Variants in MYLK3 observed in about 807,000 individuals in gnomAD.
MYLK3 encodes the protein myosin light chain kinase 3, also known as MLC kinase.
A neutral mutation model predicts 76.3 loss-of-function variants in MYLK3; 55 were observed. The ratio of observed to expected loss-of-function variants is 0.72; its 90% CI spans 0.58 to 0.90. The LOEUF is 0.90. MYLK3 is among the 40% of genes least tolerant of loss of function. The probability of loss-of-function intolerance (pLI) is 0.00; values close to 1 mark genes in which losing one functional copy is unlikely to be tolerated. For missense variants in MYLK3, 973 were observed against 1,053.6 expected, an observed-to-expected ratio of 0.92 and a Z score of 1.06; for synonymous variants, 416 against 425.4, an observed-to-expected ratio of 0.98 and a Z score of 0.27.
In MYLK3 at chr16:46,732,461, C is replaced by A. The variant is rs768463597; in HGVS notation, c.1209G>T (p.Leu403=). ...TPEGARELSP[L]QESSSPGGVK... is the part of the protein sequence containing the mutation. ...CTCCCCCGGGGCTGCTGCTCTCCTG[C>A]AGCGGGGAGAGCTCTCTGGCTCCTT... Residue 403 remains leucine (L), a synonymous_variant, in exon 4 of 13, where the codon CTG becomes CTT. Coordinates refer to ENST00000394809, the MANE Select transcript of MYLK3 (RefSeq NM_182493.3). 1.6e-5 allele frequency: 26 copies of A among 1,611,638 alleles called. No homozygotes were observed. The South Asian group carries it at 2.5e-4, about 16-fold the overall frequency.
At chr16:46,710,962 G>A in intron 10 of MYLK3, 173 bp from the exon 11 acceptor site, 2 of 705,858 alleles carry the variant, frequency 2.8e-6, no homozygotes, top group Non-Finnish European at 4.7e-6. Context: ...TTCATTAAAG[G>A]GAGGAAGCGG....
chr16:46,744,608 C>T (rs1966991374), intron 1 of MYLK3, among the ~76,000 whole-genome samples: 2 of 152,144 alleles, frequency 1.3e-5, no homozygotes, highest in African/African-American at 2.4e-5. Context: ...TCCCAAAGTG[C>T]TGGGATTACA....
chr16:46,723,049 G>A (rs927601908), intron 8 of MYLK3, among the ~76,000 whole-genome samples: 7 of 151,930 alleles, frequency 4.6e-5, no homozygotes, highest in African/African-American at 1.7e-4. Flanking sequence ...TATTCACAGA[G>A]TTGTGTAATG....
chr16:46,713,907 T>C (rs1966710123), intron 9 of MYLK3, among the ~76,000 whole-genome samples: 1 of 152,252 alleles, frequency 6.6e-6, no homozygotes, highest in Non-Finnish European at 1.5e-5. Context: ...AATGACAGGA[T>C]TCCCTTATCT....
intron 3 of MYLK3, among the ~76,000 whole-genome samples, chr16:46,732,987 C>G (rs1966855858): frequency 6.6e-6 from 1 of 152,204 alleles, no homozygotes; most frequent in African/African-American, 2.4e-5. Context: ...GGCCCAGTTT[C>G]CCTTTCACTT....
chr16:46,733,916 T>G (rs577345123), intron 3 of MYLK3, among the ~76,000 whole-genome samples: 2 of 152,264 alleles, frequency 1.3e-5, no homozygotes, highest in Non-Finnish European at 2.9e-5. Context: ...ACCTTACAGA[T>G]GCACCAAGAG....
At chr16:46,737,562 T>A (rs1966874610) in intron 3 of MYLK3, 149 bp downstream of exon 3, 2 of 716,972 alleles carry the variant, frequency 2.8e-6, no homozygotes, top group Non-Finnish European at 4.5e-6. Context: ...TACTCTAAGC[T>A]CCCAGAGGCA....
chr16:46,715,430 A>G (rs1966726406), intron 9 of MYLK3, among the ~76,000 whole-genome samples: 4 of 152,210 alleles, frequency 2.6e-5, no homozygotes, highest in Admixed American at 2.0e-4. Flanking sequence ...CTGTCAAAAT[A>G]TCCATCAAAA....
chr16:46,745,262 T>C (rs1967002735), intron 1 of MYLK3, among the ~76,000 whole-genome samples: 1 of 152,198 alleles, frequency 6.6e-6, no homozygotes, highest in Non-Finnish European at 1.5e-5. Flanking sequence ...TCTTTATTTA[T>C]AGTTGCTAAA....
intron 12 of MYLK3, 133 bp from the exon 13 acceptor site, chr16:46,707,896 C>A: frequency 5.6e-6 from 3 of 532,354 alleles, no homozygotes; most frequent in Non-Finnish European, 6.5e-6. Flanking sequence ...TAAAGGGAAA[C>A]AAGTTTCTAA....
At chr16:46,762,462 G>A (rs1967291520) in intron 1 of MYLK3, among the ~76,000 whole-genome samples, 2 of 152,036 alleles carry the variant, frequency 1.3e-5, no homozygotes, top group African/African-American at 2.4e-5. Flanking sequence ...CCAAGAACAC[G>A]GAGCAATAGA....
chr16:46,725,950 T>C (rs1966839853), intron 8 of MYLK3: 2 of 152,208 alleles, frequency 1.3e-5, no homozygotes, highest in African/African-American at 2.4e-5. Flanking sequence ...CTTCTACAAT[T>C]TTTAGTTTCA....
At chr16:46,708,593 T>C (rs1186758095) in intron 12 of MYLK3, among the ~76,000 whole-genome samples, 2 of 152,158 alleles carry the variant, frequency 1.3e-5, no homozygotes, top group Non-Finnish European at 2.9e-5. Context: ...TAGCTGGAAC[T>C]ATAGGTGCAG....
At chr16:46,709,076 G>A (rs564775979) in intron 12 of MYLK3, among the ~76,000 whole-genome samples, 2 of 152,196 alleles carry the variant, frequency 1.3e-5, no homozygotes, top group Non-Finnish European at 2.9e-5. Flanking sequence ...TGACATGAGA[G>A]AGATTTTTCC....
chr16:46,714,932 C>A (rs1179702300), intron 9 of MYLK3, among the ~76,000 whole-genome samples: 1 of 152,154 alleles, frequency 6.6e-6, no homozygotes, highest in Non-Finnish European at 1.5e-5. Flanking sequence ...TGTTTTAAAG[C>A]CCTGATTTGT....
chr16:46,712,383 C>G (rs1016549557), intron 10 of MYLK3, among the ~76,000 whole-genome samples: 1 of 151,650 alleles, frequency 6.6e-6, no homozygotes, highest in African/African-American at 2.4e-5. Context: ...GGAATAATAT[C>G]GGCACATCTC....
chr16:46,732,798 G>A lies in MYLK3; in HGVS notation c.1002-130C>T, dbSNP rs993664159. Reference sequence around the variant, plus strand: ...GGGGCCCTGCTAGACAGGACACCAGGGCAGGAGCTGACTTCAGTGACAGTT... The same window carrying A: ...GGGGCCCTGCTAGACAGGACACCAGAGCAGGAGCTGACTTCAGTGACAGTT... On this transcript the variant is annotated intron_variant, in intron 3 of 12. Coordinates refer to ENST00000394809, the MANE Select transcript of MYLK3 (RefSeq NM_182493.3). 4.2e-6 allele frequency: 3 copies of A among 705,954 alleles called. No individual in the cohort carries two copies. In the African/African-American group the frequency reaches 5.4e-5, roughly 13 times the overall value. The allele number at this position is 705,954 out of a possible 1,614,324, so 43.7% of individuals were successfully genotyped here. A position where few individuals can be genotyped will look rare whatever the true frequency, so the allele number is the denominator to read the frequency against.
chr16:46,740,986 C>A (rs1486042359), intron 1 of MYLK3, among the ~76,000 whole-genome samples: 2 of 152,184 alleles, frequency 1.3e-5, no homozygotes, highest in African/African-American at 4.8e-5. Flanking sequence ...GTAATGTGTG[C>A]CTGGGAGCTG....
chr16:46,755,148 C>G (rs1457545926), intron 1 of MYLK3, among the ~76,000 whole-genome samples: 1 of 152,076 alleles, frequency 6.6e-6, no homozygotes, highest in Non-Finnish European at 1.5e-5. Flanking sequence ...ATCCACCTGC[C>G]TCAGCCTACC....
Sources: gnomAD v4.1 joint callset for allele counts (sites outside exome capture counted in the v4.1 genomes callset) on GRCh38, gnomAD v4.1.1 for gene constraint, MANE v1.5 for transcripts, NCBI Gene and HGNC (gene_info 2026-07-23, HGNC 2026-07-21) for gene names.